TGFBR2: variants seen among roughly 807,000 people sequenced by gnomAD.
TGFBR2 encodes the protein TGF-beta receptor type-2.
A neutral mutation model predicts 49.0 loss-of-function variants in TGFBR2; 18 were observed. The observed-to-expected ratio is 0.37, with a 90% CI of 0.25 to 0.54. The LOEUF (loss-of-function observed/expected upper bound fraction) is 0.54, where lower values mean the gene tolerates loss of function less well. TGFBR2 is among the 20% of genes least tolerant of loss of function. TGFBR2 has a pLI of 0.85. For missense variants in TGFBR2, 525 were observed against 722.6 expected (o/e 0.73, Z 3.13); for synonymous variants, 282 against 275.9 (o/e 1.02, Z -0.22).
chr3:30,649,207 G>A lies in TGFBR2; in HGVS notation c.264-1063G>A, dbSNP rs531382013. Among the ~76,000 whole-genome samples the A allele has an allele frequency of 2.6e-4, 39 of 152,250 alleles. 1 individual carries two copies. The South Asian group carries it at 7.9e-3, about 31-fold the overall frequency. ...GAGAGAATGCGATTCAAGACAACAG[G>A]TATTTTGCATCTAAAAAGGACAGAG... On this transcript the variant is annotated intron_variant, in intron 2 of 6. Coordinates refer to ENST00000295754, the MANE Select transcript of TGFBR2 (RefSeq NM_003242.6).
At chr3:30,670,827 A>G (rs549352813) in intron 3 of TGFBR2, among the ~76,000 whole-genome samples, 14 of 152,352 alleles carry the variant, frequency 9.2e-5, no homozygotes, top group Non-Finnish European at 1.5e-4. Flanking sequence ...GCTATTAAAT[A>G]TTTCAGTTCC....
intron 1 of TGFBR2, among the ~76,000 whole-genome samples, chr3:30,624,261 G>A (rs763198506): frequency 6.6e-5 from 10 of 152,116 alleles, no homozygotes; most frequent in Admixed American, 2.6e-4. Context: ...ATAAAAGAAG[G>A]TATACATTGA....
At chr3:30,611,604 G>C (rs1456152734) in intron 1 of TGFBR2, among the ~76,000 whole-genome samples, 1 of 89,286 alleles carries the variant, frequency 1.1e-5, no homozygotes, top group Non-Finnish European at 2.9e-5. Flanking sequence ...TTTCATAGAA[G>C]GGTGTCGGAA....
intron 3 of TGFBR2, among the ~76,000 whole-genome samples, chr3:30,664,682 G>T (rs72850810): frequency 0.056 from 8,509 of 152,262 alleles, 793 homozygotes; most frequent in African/African-American, 0.2. Flanking sequence ...ACGCGCGTGC[G>T]CGCACACACA....
chr3:30,660,198 T>C (rs1192910547), intron 3 of TGFBR2, among the ~76,000 whole-genome samples: 1 of 152,230 alleles, frequency 6.6e-6, no homozygotes, highest in Non-Finnish European at 1.5e-5. Flanking sequence ...TTGGTTCCAA[T>C]GTCAAGAACA....
At chr3:30,649,082 A>G (rs754022633) in intron 2 of TGFBR2, among the ~76,000 whole-genome samples, 1 of 152,142 alleles carries the variant, frequency 6.6e-6, no homozygotes, top group Non-Finnish European at 1.5e-5. Flanking sequence ...GAGTACATGC[A>G]TGCATTGGCT....
At chr3:30,626,907 G>GAA (rs1698341324) in intron 1 of TGFBR2, 2 of 152,166 alleles carry the variant, frequency 1.3e-5, no homozygotes, top group African/African-American at 4.8e-5. Flanking sequence ...CTGATAAAAG[G>GAA]AGTTATTCAG....
chr3:30,633,710 T>G (rs1698478352), intron 1 of TGFBR2, among the ~76,000 whole-genome samples: 1 of 152,162 alleles, frequency 6.6e-6, no homozygotes, highest in Non-Finnish European at 1.5e-5. Flanking sequence ...TTTCCAAGTC[T>G]TTTTTATTTC....
chr3:30,654,645 G>A lies in TGFBR2; in HGVS notation c.454+4185G>A, dbSNP rs115780304. ...AATTAGAAGAGAAGTTGTTTGGATT[G>A]GTCATGATGGATGGCCTGGTGACAG... On this transcript the variant is annotated intron_variant, in intron 3 of 6. Coordinates refer to ENST00000295754, the MANE Select transcript of TGFBR2 (RefSeq NM_003242.6). 3.5e-3 allele frequency among the ~76,000 whole-genome samples: 532 copies of A among 152,318 alleles called. 3 individuals are homozygous for A. Among genetic ancestry groups the A allele is most frequent in the African/African-American group, 0.012 (513 of 41,574 alleles).
intron 3 of TGFBR2, among the ~76,000 whole-genome samples, chr3:30,663,642 A>G (rs1004569831): frequency 5.3e-5 from 8 of 152,206 alleles, no homozygotes; most frequent in Admixed American, 3.3e-4. Context: ...AATGATAACT[A>G]TAAAAGCCAG....
At chr3:30,688,183 T>C (rs964928185) in intron 5 of TGFBR2, among the ~76,000 whole-genome samples, 7 of 152,248 alleles carry the variant, frequency 4.6e-5, no homozygotes, top group African/African-American at 1.7e-4. Context: ...CAATCATTTA[T>C]TGAATACTTC....
intron 2 of TGFBR2, among the ~76,000 whole-genome samples, chr3:30,648,019 A>G (rs895550070): frequency 6.6e-6 from 1 of 152,142 alleles, no homozygotes; most frequent in African/African-American, 2.4e-5. Context: ...TTCAGTGGAA[A>G]TTGACAACCT....
At chr3:30,680,685 T>C (rs757597995) in intron 5 of TGFBR2, among the ~76,000 whole-genome samples, 11 of 149,650 alleles carry the variant, frequency 7.4e-5, no homozygotes, top group Non-Finnish European at 1.5e-4. Flanking sequence ...TCTGAAAGAA[T>C]ACAAAAGAAA....
intron 1 of TGFBR2, among the ~76,000 whole-genome samples, chr3:30,623,033 T>A (rs546561075): frequency 6.6e-6 from 1 of 152,244 alleles, no homozygotes; most frequent in African/African-American, 2.4e-5. Context: ...AAATGTCTAG[T>A]CTGATAACTT....
Position 30,692,608 on chromosome 3 carries a change from C to G in TGFBR2, c.*1009C>G, listed in dbSNP as rs1348343686. ...TTATCGTGTTTACTTTTTCATTACA[C>G]TTGACTTGATTTTCTAGTTTTCTAT... On this transcript the variant is annotated 3_prime_UTR_variant, in exon 7 of 7. Transcript: ENST00000295754. 8.6e-6 allele frequency: 2 copies of G among 233,040 alleles called. No individual in the cohort carries two copies. Among genetic ancestry groups the G allele is most frequent in the African/African-American group, 4.4e-5 (2 of 45,322 alleles). The allele number at this position is 233,040 out of a possible 1,614,324, so 14.4% of individuals were successfully genotyped here.
At chr3:30,661,209 G>A (rs1699120932) in intron 3 of TGFBR2, among the ~76,000 whole-genome samples, 1 of 152,056 alleles carries the variant, frequency 6.6e-6, no homozygotes, top group Non-Finnish European at 1.5e-5. Context: ...CAAAACCTAA[G>A]CTTTTAGTAG....
chr3:30,673,952 G>C (rs1699386141), intron 4 of TGFBR2, among the ~76,000 whole-genome samples, 153 bp from the exon 5 acceptor site: 1 of 151,980 alleles, frequency 6.6e-6, no homozygotes, highest in Non-Finnish European at 1.5e-5. Context: ...CCATCTATCT[G>C]TACCTTTCTG....
intron 5 of TGFBR2, among the ~76,000 whole-genome samples, chr3:30,685,242 A>G (rs1699601021): frequency 6.6e-6 from 1 of 152,230 alleles, no homozygotes; most frequent in Non-Finnish European, 1.5e-5. Context: ...CATCAGAGTA[A>G]CGGTAATACA....
chr3:30,680,135 C>T (rs544142878), intron 5 of TGFBR2, among the ~76,000 whole-genome samples: 1 of 147,914 alleles, frequency 6.8e-6, no homozygotes, highest in African/African-American at 2.5e-5. Flanking sequence ...CCCCGCCCCC[C>T]AAAAAAAATA....
Sources: allele counts gnomAD v4.1 joint callset (sites outside exome capture counted in the v4.1 genomes callset), GRCh38; gene constraint gnomAD v4.1.1; transcripts MANE v1.5; gene names NCBI Gene and HGNC (gene_info 2026-07-23, HGNC 2026-07-21).